MACROD2: variants seen among roughly 807,000 people sequenced by gnomAD.
MACROD2 encodes ADP-ribose glycohydrolase MACROD2.
In MACROD2, 36 loss-of-function variants were observed where a neutral mutation model predicts 70.4. That is an observed-to-expected ratio of 0.51 (90% CI 0.39 to 0.68). The LOEUF is 0.68. MACROD2 is among the 30% of genes least tolerant of loss of function. The pLI is 0.00. For synonymous variants in MACROD2, 172 were observed against 178.8 expected (o/e 0.96, Z 0.30); for missense variants, 496 against 538.4 (o/e 0.92, Z 0.78).
chr20:15,491,348 A>AG (rs1455162322), intron 7 of MACROD2, among the ~76,000 whole-genome samples: 1 of 152,198 alleles, frequency 6.6e-6, no homozygotes, highest in Middle Eastern at 3.2e-3. Context: ...ACAGTGGAGA[A>AG]GGGGTGATCG....
intron 3 of MACROD2, among the ~76,000 whole-genome samples, chr20:14,407,897 G>A (rs992010930): frequency 1.3e-5 from 2 of 152,040 alleles, no homozygotes; most frequent in African/African-American, 2.4e-5. Flanking sequence ...TCAGGTCTGG[G>A]CCCAGAAGTG....
intron 4 of MACROD2, among the ~76,000 whole-genome samples, chr20:14,540,015 C>T (rs964779073): frequency 6.6e-6 from 1 of 152,108 alleles, no homozygotes; most frequent in African/African-American, 2.4e-5. Flanking sequence ...CTTATAGTCT[C>T]ATAACTCACA....
intron 4 of MACROD2, among the ~76,000 whole-genome samples, chr20:14,568,846 A>G (rs1458374959): frequency 6.6e-6 from 1 of 151,934 alleles, no homozygotes; most frequent in Non-Finnish European, 1.5e-5. Context: ...AGTCATTTCA[A>G]CTTCTGCCTG....
At chr20:14,843,370 G>T (rs1455368113) in intron 5 of MACROD2, among the ~76,000 whole-genome samples, 1 of 151,534 alleles carries the variant, frequency 6.6e-6, no homozygotes, top group Non-Finnish European at 1.5e-5. Flanking sequence ...CCATACAGTA[G>T]TATATGCATA....
In MACROD2 at chr20:15,286,062, A is replaced by T. The variant is rs796516853; in HGVS notation, c.540+56001A>T. On this transcript the variant is annotated intron_variant, in intron 6 of 17. Coordinates refer to ENST00000684519, the MANE Select transcript of MACROD2 (RefSeq NM_001351661.2). ...AGGAGTCTTTCTTGCTTGGAAAAAA[A>T]AATGTAAAATTCAACTATATTTTAA... 2.0e-5 allele frequency among the ~76,000 whole-genome samples: 3 copies of T among 152,144 alleles called. No individual in the cohort carries two copies. The South Asian group carries it at 6.2e-4, about 31-fold the overall frequency.
At chr20:14,398,212 G>T (rs1230171044) in intron 3 of MACROD2, among the ~76,000 whole-genome samples, 1 of 152,110 alleles carries the variant, frequency 6.6e-6, no homozygotes, top group Non-Finnish European at 1.5e-5. Context: ...ATAAACATAG[G>T]TGTGCAGGTA....
At chr20:15,770,628 TGCATAACAG>T (rs1157895721) in intron 8 of MACROD2, among the ~76,000 whole-genome samples, 1 of 152,160 alleles carries the variant, frequency 6.6e-6, no homozygotes, top group East Asian at 1.9e-4. Flanking sequence ...ACAATAATGC[TGCATAACAG>T]ACCATCCTGA....
chr20:15,868,574 G>C (rs1016884122), intron 9 of MACROD2, among the ~76,000 whole-genome samples: 2 of 144,510 alleles, frequency 1.4e-5, no homozygotes, highest in African/African-American at 2.5e-5. Context: ...CCTTAAGCAA[G>C]TTTCATTGCT....
At chr20:15,798,978 GGTAT>G (rs1303100754) in intron 8 of MACROD2, among the ~76,000 whole-genome samples, 1 of 152,096 alleles carries the variant, frequency 6.6e-6, no homozygotes, top group Non-Finnish European at 1.5e-5. Flanking sequence ...AGAAACCCGG[GGTAT>G]GTATCATCCA....
chr20:15,841,624 T>C (rs938022528), intron 8 of MACROD2, among the ~76,000 whole-genome samples: 2 of 152,030 alleles, frequency 1.3e-5, no homozygotes, highest in Admixed American at 1.3e-4. Flanking sequence ...AAGACATTCA[T>C]GAGAAATCCA....
At chr20:14,277,304 T>C (rs1419676739) in intron 3 of MACROD2, among the ~76,000 whole-genome samples, 1 of 151,804 alleles carries the variant, frequency 6.6e-6, no homozygotes, top group East Asian at 1.9e-4. Context: ...AAAAATAAGC[T>C]AGGCATGGTG....
At chr20:15,267,806 T>C (rs1600172476) in intron 6 of MACROD2, among the ~76,000 whole-genome samples, 1 of 151,992 alleles carries the variant, frequency 6.6e-6, no homozygotes, top group Non-Finnish European at 1.5e-5. Context: ...GTTGCGGAGG[T>C]GGGGAGGAGC....
chr20:15,461,353 G>A (rs191302518), intron 7 of MACROD2, among the ~76,000 whole-genome samples: 4 of 152,008 alleles, frequency 2.6e-5, no homozygotes, highest in East Asian at 1.9e-4. Flanking sequence ...TTCTCCCTAC[G>A]GTATGTGTCA....
chr20:15,926,331 A>G (rs1369359376), intron 10 of MACROD2, among the ~76,000 whole-genome samples: 1 of 152,192 alleles, frequency 6.6e-6, no homozygotes, highest in East Asian at 1.9e-4. Flanking sequence ...AGACAAGGCC[A>G]GGTAAGGCAA....
intron 5 of MACROD2, among the ~76,000 whole-genome samples, chr20:14,704,229 C>G (rs562165454): frequency 4.7e-4 from 72 of 152,234 alleles, no homozygotes; most frequent in African/African-American, 1.7e-3. Flanking sequence ...GATCCACAGG[C>G]CCAAATCTTC....
intron 8 of MACROD2, among the ~76,000 whole-genome samples, chr20:15,671,302 T>C (rs2049976499): frequency 6.6e-6 from 1 of 152,156 alleles, no homozygotes; most frequent in South Asian, 2.1e-4. Context: ...TCACGTTTGC[T>C]AATGAGCCAT....
chr20:15,212,321 AC>A (rs1174672586), intron 5 of MACROD2, among the ~76,000 whole-genome samples: 4 of 152,208 alleles, frequency 2.6e-5, no homozygotes, highest in African/African-American at 9.6e-5. Context: ...GCACATGCAC[AC>A]CCTGATCTTT....
At chr20:15,088,320 T>A (rs949260000) in intron 5 of MACROD2, among the ~76,000 whole-genome samples, 1 of 150,102 alleles carries the variant, frequency 6.7e-6, no homozygotes, top group Non-Finnish European at 1.5e-5. Context: ...GGATTATGAT[T>A]AAGCTGTCCA....
rs73244505 is a variant in MACROD2 at position 15,703,049 on chromosome 20, A to C, written c.646-159696A>C. Among the ~76,000 whole-genome samples the C allele has an allele frequency of 4.7e-3, 712 of 152,276 alleles. 5 individuals are homozygous for C. The highest frequency in any genetic ancestry group is 0.016 in the African/African-American group (670 of 41,552). On this transcript the variant is annotated intron_variant, in intron 8 of 17. Coordinates refer to ENST00000684519, the MANE Select transcript of MACROD2 (RefSeq NM_001351661.2). ...CAAAAATTAGCAATGGGGAAAGGACACCCTATTCAATAAACGGTGCTGGGA... is the reference window on the plus strand; with the variant it reads ...CAAAAATTAGCAATGGGGAAAGGACCCCCTATTCAATAAACGGTGCTGGGA...
Sources: gnomAD v4.1 joint callset for allele counts (sites outside exome capture counted in the v4.1 genomes callset) on GRCh38, gnomAD v4.1.1 for gene constraint, MANE v1.5 for transcripts, NCBI Gene and HGNC (gene_info 2026-07-23, HGNC 2026-07-21) for gene names.